Variants in ATM observed in about 807,000 individuals in gnomAD.
ATM encodes ATM serine/threonine kinase, also known as serine-protein kinase ATM.
Under a neutral mutation model 387.0 loss-of-function variants are expected in ATM, and 308 were observed. The observed-to-expected ratio is 0.80, with a 90% confidence interval of 0.73 to 0.87. ATM has a LOEUF of 0.87. Among genes scored for constraint, ATM ranks in the 40% least tolerant of loss-of-function variants. The pLI, the probability that ATM is intolerant of heterozygous loss-of-function variation, is 0.00. For missense variants in ATM, 3,312 were observed against 3,560.9 expected (o/e 0.93, Z 1.78); for synonymous variants, 1,156 against 1,187.3 (o/e 0.97, Z 0.54).
At chr11:108,237,032 T>C (rs546707023) in intron 5 of ATM, among the ~76,000 whole-genome samples, 2 of 152,160 alleles carry the variant, frequency 1.3e-5, no homozygotes, top group African/African-American at 2.4e-5. Flanking sequence ...TTAAAAGACA[T>C]TTGTCCATAT....
At position 108,301,793 on chromosome 11, in the gene ATM, T is replaced by G. The variant is rs1170957197; in HGVS notation, c.5319+4T>G. 1 of 1,613,220 alleles carries G rather than the reference T, an allele frequency of 6.2e-7. No homozygotes were observed. Among genetic ancestry groups the G allele is most frequent in the East Asian group, 2.2e-5 (1 of 44,760 alleles). On this transcript the variant is annotated splice_donor_region_variant and intron_variant, in intron 35 of 62. Coordinates refer to ENST00000675843, the MANE Select transcript of ATM (RefSeq NM_000051.4). The stretch of plus-strand genomic sequence containing the variant: ...TTTTAGAACATCAAGAAAAAAGGTC[T>G]CTTAAGTAATAAATGTTTATTGAAT...
rs1013244700 is a variant in ATM, at chr11:108,333,968, G to A, written c.8010G>A (p.Lys2670=). 1 of 1,598,582 alleles carries A rather than the reference G, an allele frequency of 6.3e-7. No homozygotes were observed. Among genetic ancestry groups the A allele is most frequent in the African/African-American group, 1.3e-5 (1 of 74,468 alleles). ...EDVVVPTMEI[K]VDHTGEYGNL... is the part of the protein sequence containing the mutation. ...TTGTTGTCCCTACTATGGAAATTAA[G>A]GTAATTTGCAATTAACTCTTGATTT... Residue 2670 remains lysine (K), a splice_region_variant and synonymous_variant, in exon 54 of 63, where the codon AAG becomes AAA. Transcript: ENST00000675843.
rs774281788 is a variant in ATM, at chr11:108,330,369, G to A, written c.7463G>A (p.Cys2488Tyr). 3.7e-6 allele frequency: 6 copies of A among 1,614,156 alleles called. No individual in the cohort carries two copies. The highest frequency in any genetic ancestry group is 4.2e-6 in the Non-Finnish European group (5 of 1,180,016). ...CATGATATGTGGGTATTCCGACTTT[G>A]TTCCCTCTGGCTTGAAAATTCTGGA... Reference protein sequence around the residue: ...EEHDMWVFRLCSLWLENSGVS... With the variant: ...EEHDMWVFRLYSLWLENSGVS... Residue 2488 changes from cysteine to tyrosine, a missense_variant, in exon 50 of 63, where the codon TGT becomes TAT. Coordinates refer to ENST00000675843, the MANE Select transcript of ATM (RefSeq NM_000051.4).
chr11:108,292,692 A>G lies in ATM; in HGVS notation c.4510A>G (p.Thr1504Ala), dbSNP rs767466937. The G allele has an allele frequency of 1.9e-6, 3 of 1,613,884 alleles. No homozygotes were observed. The East Asian group carries it at 6.7e-5, about 36-fold the overall frequency. ...CCDLLSQVCQ[T>A]AVTYCKDALE... ...TGACTTATTAAGTCAGGTTTGCCAG[A>G]CAGCCGTGACTTACTGTAAGGATGC... The change falls in exon 30 of 63, where the codon ACA becomes GCA. Residue 1504 changes from threonine to alanine, a missense_variant. Thr to Ala is a moderately conservative substitution (Grantham distance 58). Coordinates refer to ENST00000675843, the MANE Select transcript of ATM (RefSeq NM_000051.4).
intron 13 of ATM, among the ~76,000 whole-genome samples, chr11:108,254,814 A>G (rs889875332): frequency 1.3e-5 from 2 of 151,974 alleles, no homozygotes; most frequent in East Asian, 3.9e-4. Flanking sequence ...ACGCCCAGGT[A>G]ATTTTTGTAT....
At position 108,284,390 on chromosome 11, in the gene ATM, A is replaced by C; in HGVS notation, c.3910A>C (p.Arg1304=). The C allele has an allele frequency of 6.2e-7, 1 of 1,614,008 alleles. No individual in the cohort carries two copies. The highest frequency in any genetic ancestry group is 8.5e-7 in the Non-Finnish European group (1 of 1,179,946). Reference sequence around the variant, plus strand: ...TCCTTATTTTGCCTATGAGGGTACCAGAGACAGTGGGATGGCACAGCAAAG... The same window carrying C: ...TCCTTATTTTGCCTATGAGGGTACCCGAGACAGTGGGATGGCACAGCAAAG... The part of the protein sequence containing the change: ...ILPYFAYEGT[R]DSGMAQQRET... The change falls in exon 26 of 63, where the codon AGA becomes CGA. Residue 1304 remains arginine, a synonymous_variant. Transcript: ENST00000675843.
intron 33 of ATM, chr11:108,299,496 C>T (rs980887888): frequency 2.3e-6 from 1 of 433,936 alleles, no homozygotes; most frequent in Non-Finnish European, 4.3e-6. Flanking sequence ...GGGGCTTTAC[C>T]ATGTTGGCCA....
intron 16 of ATM, among the ~76,000 whole-genome samples, chr11:108,266,056 C>T (rs1279529563): frequency 6.6e-6 from 1 of 151,892 alleles, no homozygotes; most frequent in African/African-American, 2.4e-5. Flanking sequence ...CTAGTTCAAC[C>T]ATTGTGGAAG....
chr11:108,343,439 C>A (rs2087859585), intron 57 of ATM, 68 bp downstream of exon 57: 1 of 1,579,416 alleles, frequency 6.3e-7, no homozygotes, highest in South Asian at 1.1e-5. Flanking sequence ...TGACAGCTGT[C>A]AGATATTATA....
rs973013574 is a variant in ATM at position 108,368,121 on chromosome 11, A to G, written c.*2613A>G. 2 of 206,964 alleles carry G rather than the reference A, an allele frequency of 9.7e-6. No individual in the cohort carries two copies. The highest frequency in any genetic ancestry group is 5.9e-5 in the Admixed American group (1 of 16,840). 12.8% of individuals were successfully genotyped at this position (206,964 alleles called of 1,614,324 possible). A position where few individuals can be genotyped will look rare whatever the true frequency, so the allele number is the denominator to read the frequency against. The stretch of plus-strand genomic sequence containing the variant: ...CTGTTCTGTTCAAGTATTCTAATCA[A>G]TGGCTTTGAAAAGTTTATCAAATTT... On this transcript the variant is annotated 3_prime_UTR_variant, in exon 63 of 63. Transcript: ENST00000675843.
chr11:108,241,116 A>G (rs1462133233), intron 5 of ATM, among the ~76,000 whole-genome samples: 7 of 152,196 alleles, frequency 4.6e-5, no homozygotes, highest in Admixed American at 3.3e-4. Flanking sequence ...TTAGGCCTAC[A>G]TAAGGTCAGG....
chr11:108,353,662 G>T, intron 59 of ATM, 104 bp from the exon 60 acceptor site: 1 of 892,576 alleles, frequency 1.1e-6, no homozygotes, highest in Non-Finnish European at 1.9e-6. Context: ...TTCATAGAAC[G>T]TAGGTAACAT....
At chr11:108,313,072 G>A (rs1019232936) in intron 40 of ATM, among the ~76,000 whole-genome samples, 1 of 152,102 alleles carries the variant, frequency 6.6e-6, no homozygotes, top group African/African-American at 2.4e-5. Context: ...AGGAAATCTC[G>A]CCACATCCCA....
chr11:108,365,525 T>G lies in ATM; in HGVS notation c.*17T>G, dbSNP rs746451875. 2.5e-5 allele frequency: 41 copies of G among 1,612,856 alleles called. No individual in the cohort carries two copies. The South Asian group carries it at 4.3e-4, about 17-fold the overall frequency. On this transcript the variant is annotated 3_prime_UTR_variant, in exon 63 of 63. Coordinates refer to ENST00000675843, the MANE Select transcript of ATM (RefSeq NM_000051.4). Reference sequence around the variant, plus strand: ...TGGGTGTGATCTTCAGTATATGAATTACCCTTTCATTCAGCCTTTAGAAAT... The same window carrying G: ...TGGGTGTGATCTTCAGTATATGAATGACCCTTTCATTCAGCCTTTAGAAAT...
rs772331389 is a variant in ATM at position 108,282,856 on chromosome 11, C to T, written c.3723C>T (p.Tyr1241=). ...LSSFPFILLN[Y]TNIEDFYRSC... ...CTTTTCCTTTTATTTTATTAAACTA[C>T]ACAAATATTGAGGATTTCTATAGGT... Residue 1241 remains tyrosine (Y), a synonymous_variant, in exon 25 of 63, where the codon TAC becomes TAT. Coordinates refer to ENST00000675843, the MANE Select transcript of ATM (RefSeq NM_000051.4). 10 of 1,512,176 alleles carry T rather than the reference C, an allele frequency of 6.6e-6. No individual in the cohort carries two copies. The South Asian group carries it at 1.0e-4, about 15-fold the overall frequency. The allele number at this position is 1,512,176 out of a possible 1,614,324, so 93.7% of individuals were successfully genotyped here.
chr11:108,348,580 G>A (rs1416872294), intron 59 of ATM, among the ~76,000 whole-genome samples: 5 of 151,896 alleles, frequency 3.3e-5, no homozygotes, highest in Admixed American at 6.5e-5. Flanking sequence ...AAGTGTGAAT[G>A]TAATGTAAAG....
intron 33 of ATM, among the ~76,000 whole-genome samples, chr11:108,298,275 A>G (rs1434515191): frequency 1.3e-5 from 2 of 152,224 alleles, no homozygotes; most frequent in African/African-American, 2.4e-5. Context: ...CACAGATTCT[A>G]CTATCTTTCT....
rs1040374548 is a variant in ATM at position 108,365,311 on chromosome 11, G to A, written c.8988-14G>A. ...CTGTTCACCTCACTGAAACCTTTGTGTTTTTGTCCTTAGTGATATTGACCA... is the reference window on the plus strand; with the variant it reads ...CTGTTCACCTCACTGAAACCTTTGTATTTTTGTCCTTAGTGATATTGACCA... On this transcript the variant is annotated splice_polypyrimidine_tract_variant and intron_variant, in intron 62 of 62. Transcript: ENST00000675843. The A allele has an allele frequency of 6.2e-7, 1 of 1,614,154 alleles. No homozygotes were observed.
chr11:108,299,317 T>C lies in ATM; in HGVS notation c.5006-397T>C, dbSNP rs542802519. ...GTTTTAAGGTTGATTCTCTCTCTCTTTTTTTTTTTTTCTTTTGTCACCCAG... is the reference window on the plus strand; with the variant it reads ...GTTTTAAGGTTGATTCTCTCTCTCTCTTTTTTTTTTTCTTTTGTCACCCAG... On this transcript the variant is annotated intron_variant, in intron 33 of 62. Coordinates refer to ENST00000675843, the MANE Select transcript of ATM (RefSeq NM_000051.4). 4.8e-4 allele frequency among the ~76,000 whole-genome samples: 19 copies of C among 39,206 alleles called. No individual in the cohort carries two copies. In the South Asian group the frequency reaches 4.9e-3, roughly 10 times the overall value. 25.7% of individuals were successfully genotyped at this position (39,206 alleles called of 152,430 possible).
Sources: gnomAD v4.1 joint callset for allele counts (sites outside exome capture counted in the v4.1 genomes callset) on GRCh38, gnomAD v4.1.1 for gene constraint, MANE v1.5 for transcripts, NCBI Gene and HGNC (gene_info 2026-07-23, HGNC 2026-07-21) for gene names.